SV2C: variants seen among roughly 807,000 people sequenced by gnomAD.
The protein encoded by SV2C is synaptic vesicle glycoprotein 2C, also known as solute carrier family 22 member B3.
Under a neutral mutation model 79.7 loss-of-function variants are expected in SV2C, and 49 were observed. The observed-to-expected ratio is 0.61, with a 90% CI of 0.49 to 0.78. SV2C has a LOEUF of 0.78. Ranked by LOEUF, SV2C falls within the 30% of genes least tolerant of loss-of-function variation. The pLI, the probability that SV2C is intolerant of heterozygous loss-of-function variation, is 0.00. For synonymous variants in SV2C, 334 were observed against 333.2 expected (o/e 1.00, Z -0.03); for missense variants, 833 against 912.9 (o/e 0.91, Z 1.13).
intron 1 of SV2C, among the ~76,000 whole-genome samples, chr5:76,112,090 G>T (rs1175519139): frequency 6.6e-6 from 1 of 152,218 alleles, no homozygotes. Flanking sequence ...CAGGCATTCT[G>T]CTAGGTATTA....
At chr5:76,182,972 AG>A (rs1411232606) in intron 2 of SV2C, among the ~76,000 whole-genome samples, 29 of 147,926 alleles carry the variant, frequency 2.0e-4, no homozygotes, top group Non-Finnish European at 2.8e-4. Context: ...AGAGAGAGAG[AG>A]AGAGTAGGGG....
At chr5:75,888,332 A>T in the SV2C span, among the ~76,000 whole-genome samples, 16 of 104,872 alleles carry the variant, frequency 1.5e-4, no homozygotes, top group African/African-American at 2.3e-4. Context: ...CTTGCTTTTT[A>T]AAAAAAAAAA....
chr5:75,955,424 C>A, the SV2C span, among the ~76,000 whole-genome samples: 1 of 151,500 alleles, frequency 6.6e-6, no homozygotes, highest in Non-Finnish European at 1.5e-5. Flanking sequence ...AAACGTTAGA[C>A]CTAAAGCCAT....
the SV2C span, among the ~76,000 whole-genome samples, chr5:75,855,105 T>C: frequency 6.6e-6 from 1 of 152,188 alleles, no homozygotes; most frequent in Non-Finnish European, 1.5e-5. Context: ...ATTCTATATC[T>C]TTTGCATTTT....
At chr5:75,884,512 G>A in the SV2C span, among the ~76,000 whole-genome samples, 3 of 152,030 alleles carry the variant, frequency 2.0e-5, no homozygotes, top group Non-Finnish European at 4.4e-5. Flanking sequence ...TAACTATTGG[G>A]TATTGTTCAT....
At chr5:75,991,941 T>G in the SV2C span, among the ~76,000 whole-genome samples, 2 of 151,912 alleles carry the variant, frequency 1.3e-5, no homozygotes, top group Non-Finnish European at 2.9e-5. Context: ...TATCAGTACC[T>G]GCTCCATTAT....
the SV2C span, among the ~76,000 whole-genome samples, chr5:75,990,381 A>G: frequency 1.3e-5 from 2 of 151,898 alleles, no homozygotes; most frequent in African/African-American, 4.8e-5. Context: ...AGTCCTCAAG[A>G]ATAAGCCACC....
upstream of SV2C, chr5:76,079,075 A>C: frequency 2.8e-5 from 11 of 393,230 alleles, no homozygotes; most frequent in South Asian, 2.4e-4. Flanking sequence ...TGAATATGAC[A>C]TAGATGAAGT....
chr5:75,898,118 A>G, the SV2C span, among the ~76,000 whole-genome samples: 29 of 152,194 alleles, frequency 1.9e-4, no homozygotes, highest in East Asian at 9.6e-4. Flanking sequence ...GAATAGGAGT[A>G]GTGAGAGAGG....
chr5:76,051,228 A>G, the SV2C span, among the ~76,000 whole-genome samples: 1 of 152,216 alleles, frequency 6.6e-6, no homozygotes, highest in Non-Finnish European at 1.5e-5. Flanking sequence ...AAATGCTAAC[A>G]AAAACAACAG....
intron 1 of SV2C, among the ~76,000 whole-genome samples, chr5:76,121,041 C>G: frequency 6.6e-6 from 1 of 150,582 alleles, no homozygotes; most frequent in Non-Finnish European, 1.5e-5. Flanking sequence ...TGTTTCCTGA[C>G]TTTTTAATGA....
At chr5:76,320,304 A>G (rs1040820494) in intron 12 of SV2C, among the ~76,000 whole-genome samples, 2 of 152,194 alleles carry the variant, frequency 1.3e-5, no homozygotes. Flanking sequence ...AGAGGAATGA[A>G]TAGATGGAGC....
chr5:76,166,928 A>C (rs536556661), intron 2 of SV2C, among the ~76,000 whole-genome samples: 1 of 152,334 alleles, frequency 6.6e-6, no homozygotes, highest in South Asian at 2.1e-4. Flanking sequence ...TTTATGACCC[A>C]AGAGGTCTCC....
chr5:76,223,928 TG>T (rs1745166246), intron 4 of SV2C, among the ~76,000 whole-genome samples: 1 of 151,912 alleles, frequency 6.6e-6, no homozygotes, highest in African/African-American at 2.4e-5. Flanking sequence ...GGGGAAGTGG[TG>T]GGGGGATGGG....
At chr5:76,236,585 G>T (rs959087311) in intron 4 of SV2C, among the ~76,000 whole-genome samples, 11 of 151,846 alleles carry the variant, frequency 7.2e-5, no homozygotes, top group Admixed American at 2.6e-4. Flanking sequence ...AAAATAAAGA[G>T]AGAGAGAGAG....
the SV2C span, among the ~76,000 whole-genome samples, chr5:76,063,595 G>A: frequency 7.8e-3 from 1,192 of 152,202 alleles, 15 homozygotes; most frequent in Non-Finnish European, 9.6e-3. Flanking sequence ...CACTATGCAG[G>A]CTTTTACTCC....
intron 1 of SV2C, among the ~76,000 whole-genome samples, chr5:76,086,345 A>G (rs1057482418): frequency 2.6e-5 from 4 of 152,204 alleles, no homozygotes; most frequent in Non-Finnish European, 5.9e-5. Flanking sequence ...TTGATGACAT[A>G]TTGTATGAAT....
At chr5:75,854,965 T>C in the SV2C span, among the ~76,000 whole-genome samples, 2 of 152,312 alleles carry the variant, frequency 1.3e-5, no homozygotes, top group African/African-American at 4.8e-5. Flanking sequence ...ATTTCTTTAT[T>C]CCATTCCACT....
Position 76,265,730 on chromosome 5 carries a change from C to A in SV2C, c.914-19432C>A, listed in dbSNP as rs372616389. ...ATGGGAAAGGGAGGCCCCCCTCCACCGCTCCTTGCACTCCCCACTCCCCAG... is the reference window on the plus strand; with the variant it reads ...ATGGGAAAGGGAGGCCCCCCTCCACAGCTCCTTGCACTCCCCACTCCCCAG... On this transcript the variant is annotated intron_variant, in intron 4 of 12. Coordinates refer to ENST00000502798, the MANE Select transcript of SV2C (RefSeq NM_014979.4). Among the ~76,000 whole-genome samples the A allele has an allele frequency of 3.3e-5, 5 of 152,168 alleles. No individual in the cohort carries two copies. The East Asian group carries it at 9.7e-4, about 30-fold the overall frequency.
Sources: allele counts gnomAD v4.1 joint callset (sites outside exome capture counted in the v4.1 genomes callset), GRCh38; gene constraint gnomAD v4.1.1; transcripts MANE v1.5; gene names NCBI Gene and HGNC (gene_info 2026-07-23, HGNC 2026-07-21).